The following SEPTIN7 variants were observed in gnomAD, a reference collection of about 807,000 sequenced individuals.
SEPTIN7 encodes septin-7.
SEPTIN7 carries 10 observed loss-of-function variants against 63.3 expected under a neutral mutation model. The ratio of observed to expected loss-of-function variants is 0.16; its 90% confidence interval spans 0.10 to 0.27. SEPTIN7 has a LOEUF of 0.27. Among genes scored for constraint, SEPTIN7 ranks in the 10% least tolerant of loss-of-function variants. The pLI is 1.00. For missense variants in SEPTIN7, 310 were observed against 521.0 expected (o/e 0.59, Z 3.94); for synonymous variants, 131 against 165.3 (o/e 0.79, Z 1.59).
intron 3 of SEPTIN7, among the ~76,000 whole-genome samples, chr7:35,857,947 A>C (rs1251795641): frequency 6.6e-6 from 1 of 151,784 alleles, no homozygotes; most frequent in Non-Finnish European, 1.5e-5. Flanking sequence ...AACCACTTTT[A>C]TTTCTTTTTT....
chr7:35,816,620 A>G (rs758096800), intron 1 of SEPTIN7, among the ~76,000 whole-genome samples: 10 of 152,248 alleles, frequency 6.6e-5, no homozygotes, highest in Non-Finnish European at 1.2e-4. Flanking sequence ...ATCATAGTGT[A>G]GTGTAACTCT....
intron 1 of SEPTIN7, among the ~76,000 whole-genome samples, chr7:35,817,008 GTT>G (rs372234064): frequency 7.0e-6 from 1 of 142,032 alleles, no homozygotes; most frequent in East Asian, 2.0e-4. Context: ...AATTCCACAG[GTT>G]TTTTTTTTTT....
At chr7:35,802,222 G>T (rs578195272) in intron 1 of SEPTIN7, 2 of 319,606 alleles carry the variant, frequency 6.3e-6, no homozygotes, top group African/African-American at 2.2e-5. Context: ...AAAAGAACAG[G>T]CCATTTCATT....
chr7:35,912,510 G>T, the SEPTIN7 span, among the ~76,000 whole-genome samples: 3 of 152,186 alleles, frequency 2.0e-5, no homozygotes, highest in Non-Finnish European at 4.4e-5. Flanking sequence ...GGGGCTCTCA[G>T]CTCTGAAGGC....
chr7:35,879,228 G>A (rs532471572), intron 6 of SEPTIN7, among the ~76,000 whole-genome samples: 17 of 152,284 alleles, frequency 1.1e-4, no homozygotes, highest in African/African-American at 4.1e-4. Context: ...ATAGTTGGTA[G>A]CAAGAACTGA....
chr7:35,871,886 A>G (rs1304193895), intron 4 of SEPTIN7, among the ~76,000 whole-genome samples: 3 of 152,198 alleles, frequency 2.0e-5, no homozygotes, highest in African/African-American at 7.2e-5. Context: ...ATTTAACAGC[A>G]GCATATGCCC....
At chr7:35,827,567 T>C (rs190791546) in intron 1 of SEPTIN7, among the ~76,000 whole-genome samples, 169 of 152,330 alleles carry the variant, frequency 1.1e-3, no homozygotes, top group African/African-American at 3.5e-3. Flanking sequence ...CTCCACTCAC[T>C]GCAACCTTTG....
chr7:35,807,430 C>T (rs1359706817), intron 1 of SEPTIN7, among the ~76,000 whole-genome samples: 4 of 141,798 alleles, frequency 2.8e-5, no homozygotes, highest in Non-Finnish European at 4.5e-5. Flanking sequence ...GGCGCGATCT[C>T]GGCTCGCTGT....
chr7:35,914,997 CATATA>C, the SEPTIN7 span, among the ~76,000 whole-genome samples: 30 of 151,896 alleles, frequency 2.0e-4, no homozygotes, highest in Middle Eastern at 6.8e-3. Flanking sequence ...CGTGTGTACA[CATATA>C]ATGTATGTGT....
At chr7:35,819,966 G>GT (rs1260154572) in intron 1 of SEPTIN7, among the ~76,000 whole-genome samples, 2 of 147,458 alleles carry the variant, frequency 1.4e-5, no homozygotes, top group African/African-American at 2.5e-5. Context: ...TAATTTTGCT[G>GT]TTTTCTACAT....
intron 1 of SEPTIN7, among the ~76,000 whole-genome samples, chr7:35,817,499 C>T (rs182916473): frequency 2.0e-3 from 306 of 152,076 alleles, no homozygotes; most frequent in Non-Finnish European, 3.7e-3. Flanking sequence ...TGTTCTGTTT[C>T]AAAATTGTTT....
intron 6 of SEPTIN7, chr7:35,879,502 AAT>A: frequency 5.9e-6 from 1 of 169,736 alleles, no homozygotes; most frequent in Non-Finnish European, 1.3e-5. Flanking sequence ...AAAAAAAAAA[AAT>A]TAAAAACCTT....
At chr7:35,871,956 G>A (rs920439341) in intron 4 of SEPTIN7, among the ~76,000 whole-genome samples, 1 of 152,096 alleles carries the variant, frequency 6.6e-6, no homozygotes, top group African/African-American at 2.4e-5. Context: ...GTCTTAAATT[G>A]TTCCAGGAAC....
intron 3 of SEPTIN7, among the ~76,000 whole-genome samples, chr7:35,838,174 A>G (rs1422274050): frequency 6.6e-6 from 1 of 150,376 alleles, no homozygotes; most frequent in African/African-American, 2.5e-5. Context: ...AGGCATTGAC[A>G]TTTTTTTCCA....
chr7:35,877,735 T>C (rs1337404610), intron 6 of SEPTIN7, among the ~76,000 whole-genome samples: 1 of 152,188 alleles, frequency 6.6e-6, no homozygotes, highest in Admixed American at 6.5e-5. Context: ...AGCAGCTTAC[T>C]TTTTTTGTCA....
the SEPTIN7 span, among the ~76,000 whole-genome samples, chr7:35,913,107 G>T: frequency 6.6e-6 from 1 of 152,124 alleles, no homozygotes; most frequent in Non-Finnish European, 1.5e-5. Context: ...GCCAGTAGGG[G>T]TGTTAAAGAT....
At chr7:35,856,737 A>C (rs1166388635) in intron 3 of SEPTIN7, among the ~76,000 whole-genome samples, 1 of 152,078 alleles carries the variant, frequency 6.6e-6, no homozygotes, top group African/African-American at 2.4e-5. Flanking sequence ...GTTTCACCTT[A>C]TGAGCCTCAA....
chr7:35,880,904 T>C (rs1278545040), intron 7 of SEPTIN7, among the ~76,000 whole-genome samples: 1 of 152,056 alleles, frequency 6.6e-6, no homozygotes, highest in African/African-American at 2.4e-5. Flanking sequence ...TATATTACAT[T>C]TTATGAAATG....
Position 35,863,614 on chromosome 7 carries a change from C to G in SEPTIN7, c.232C>G (p.Pro78Ala), listed in dbSNP as rs199739906. ...NSLFLTDLYSPEYPGPSHRIK... is the reference protein window; with the variant it reads ...NSLFLTDLYSAEYPGPSHRIK... Reference sequence around the variant, plus strand: ...ATTATTCCTCACAGATTTGTATTCTCCAGAGTATCCAGGTCCTTCTCATAG... The same window carrying G: ...ATTATTCCTCACAGATTTGTATTCTGCAGAGTATCCAGGTCCTTCTCATAG... The change falls in exon 4 of 14, where the codon CCA becomes GCA. Residue 78 changes from proline to alanine, a missense_variant. Coordinates refer to ENST00000350320, the MANE Select transcript of SEPTIN7 (RefSeq NM_001788.6). The G allele has an allele frequency of 1.3e-6, 2 of 1,587,064 alleles. No individual in the cohort carries two copies. The highest frequency in any genetic ancestry group is 1.3e-5 in the African/African-American group (1 of 74,652).
Sources: allele counts gnomAD v4.1 joint callset (sites outside exome capture counted in the v4.1 genomes callset), GRCh38; gene constraint gnomAD v4.1.1; transcripts MANE v1.5; gene names NCBI Gene and HGNC (gene_info 2026-07-23, HGNC 2026-07-21).